ADORA2B: variants seen among roughly 807,000 people sequenced by gnomAD.
ADORA2B encodes the protein adenosine receptor A2b.
A neutral mutation model predicts 20.8 loss-of-function variants in ADORA2B; 18 were observed. That is an observed-to-expected ratio of 0.87 (90% CI 0.60 to 1.29). ADORA2B has a LOEUF of 1.29. Ranked by LOEUF, ADORA2B falls within the 50% of genes most tolerant of loss-of-function variation. ADORA2B has a pLI of 0.00. For synonymous variants in ADORA2B, 179 were observed against 178.3 expected (o/e 1.00, Z -0.03); for missense variants, 441 against 422.7 (o/e 1.04, Z -0.38).
chr17:15,883,537 G>A, the ADORA2B span, among the ~76,000 whole-genome samples: 1 of 152,186 alleles, frequency 6.6e-6, no homozygotes, highest in African/African-American at 2.4e-5. Context: ...TGGGGATTGG[G>A]GTATTCAGAG....
At chr17:15,880,620 GC>G in the ADORA2B span, among the ~76,000 whole-genome samples, 1 of 150,110 alleles carries the variant, frequency 6.7e-6, no homozygotes, top group Non-Finnish European at 1.5e-5. Context: ...TCGGACAGCA[GC>G]CTACAAGGGT....
rs371657178 is a variant in ADORA2B, at chr17:15,975,236, G to A, written c.893G>A (p.Arg298His). The change falls in exon 2 of 2, where the codon CGC becomes CAC. Residue 298 changes from arginine to histidine, a missense_variant. Coordinates refer to ENST00000304222, the MANE Select transcript of ADORA2B (RefSeq NM_000676.4). ...TATGCTTACCGGAACCGAGACTTCC[G>A]CTACACTTTTCACAAAATTATCTCC... ...IVYAYRNRDF[R>H]YTFHKIISRY... The A allele has an allele frequency of 4.4e-5, 71 of 1,613,778 alleles. 1 individual carries two copies. The highest frequency in any genetic ancestry group is 3.5e-4 in the African/African-American group (26 of 74,962).
chr17:15,933,793 G>A, the ADORA2B span, among the ~76,000 whole-genome samples: 1 of 151,998 alleles, frequency 6.6e-6, no homozygotes, highest in East Asian at 1.9e-4. Context: ...TATATATAGA[G>A]AGAGAGTTTT....
chr17:15,872,162 G>C, the ADORA2B span, among the ~76,000 whole-genome samples: 2 of 152,160 alleles, frequency 1.3e-5, no homozygotes, highest in Non-Finnish European at 2.9e-5. Flanking sequence ...AGTGGGTACA[G>C]TTTTCTATTG....
chr17:15,883,703 A>G, the ADORA2B span, among the ~76,000 whole-genome samples: 1 of 152,246 alleles, frequency 6.6e-6, no homozygotes, highest in African/African-American at 2.4e-5. Flanking sequence ...GCAGAGTCTA[A>G]GGTGGAAGAA....
the ADORA2B span, among the ~76,000 whole-genome samples, chr17:15,923,170 C>G: frequency 3.3e-5 from 5 of 149,670 alleles, no homozygotes; most frequent in African/African-American, 1.2e-4. Flanking sequence ...TTGCAGGCAC[C>G]TGCCACCACG....
chr17:15,917,814 C>T, the ADORA2B span, among the ~76,000 whole-genome samples: 39 of 152,366 alleles, frequency 2.6e-4, no homozygotes, highest in East Asian at 6.2e-3. Flanking sequence ...TCACCGCCTA[C>T]TCGGCTCCTT....
intron 1 of ADORA2B, among the ~76,000 whole-genome samples, chr17:15,973,593 T>G (rs1170638587): frequency 6.6e-6 from 1 of 152,212 alleles, no homozygotes; most frequent in Non-Finnish European, 1.5e-5. Context: ...CATTCGATTC[T>G]CATAGGAGCT....
In ADORA2B at chr17:15,957,640, A is replaced by G. The variant is rs1055959398; in HGVS notation, c.335+12057A>G. Among the ~76,000 whole-genome samples, 4 of 152,098 alleles carry G rather than the reference A, an allele frequency of 2.6e-5. No homozygotes were observed. In the East Asian group the frequency reaches 7.7e-4, roughly 29 times the overall value. On this transcript the variant is annotated intron_variant, in intron 1 of 1. Coordinates refer to ENST00000304222, the MANE Select transcript of ADORA2B (RefSeq NM_000676.4). ...AAGGTGCCTGCAGGTTGAGAGACGC[A>G]GTAGTGGTCGAGTCTTGGGGAGTCT...
the ADORA2B span, among the ~76,000 whole-genome samples, chr17:15,855,843 C>A: frequency 2.0e-5 from 3 of 151,994 alleles, no homozygotes; most frequent in Non-Finnish European, 4.4e-5. Flanking sequence ...CCTTTGCCCC[C>A]CTCCCCATTC....
chr17:15,917,564 C>A, the ADORA2B span, among the ~76,000 whole-genome samples: 3 of 152,230 alleles, frequency 2.0e-5, no homozygotes, highest in African/African-American at 7.2e-5. Context: ...CCTGCCCCCG[C>A]AGGCACTGGA....
chr17:15,948,223 G>C (rs1386696573), intron 1 of ADORA2B, among the ~76,000 whole-genome samples: 2 of 152,012 alleles, frequency 1.3e-5, no homozygotes, highest in African/African-American at 4.8e-5. Context: ...GCATTGCCAA[G>C]GTGTTTACTG....
At chr17:15,961,766 A>T (rs1970044965) in intron 1 of ADORA2B, among the ~76,000 whole-genome samples, 1 of 152,206 alleles carries the variant, frequency 6.6e-6, no homozygotes, top group South Asian at 2.1e-4. Context: ...GAGAGTGAGC[A>T]AGCAAGAGAG....
the ADORA2B span, among the ~76,000 whole-genome samples, chr17:15,856,997 G>C: frequency 2.0e-5 from 3 of 152,212 alleles, no homozygotes; most frequent in Admixed American, 1.3e-4. Context: ...GTGGCAGCCT[G>C]TCCCATCACA....
the ADORA2B span, among the ~76,000 whole-genome samples, chr17:15,938,304 T>A: frequency 0.2 from 30,845 of 152,128 alleles, 3,167 homozygotes; most frequent in African/African-American, 0.22. Flanking sequence ...TTTTTGTTTG[T>A]TTTTGTTTTT....
the ADORA2B span, among the ~76,000 whole-genome samples, chr17:15,923,354 CCTCT>C: frequency 2.8e-5 from 4 of 144,920 alleles, no homozygotes; most frequent in South Asian, 2.2e-4. Context: ...CCTGCCATTG[CCTCT>C]CTCTCTCTGT....
At chr17:15,969,129 C>G (rs921505826) in intron 1 of ADORA2B, among the ~76,000 whole-genome samples, 2 of 152,162 alleles carry the variant, frequency 1.3e-5, no homozygotes, top group African/African-American at 4.8e-5. Context: ...GCATCCTCCA[C>G]CTCCTCCCAT....
chr17:15,862,543 G>A, the ADORA2B span, among the ~76,000 whole-genome samples: 1 of 151,984 alleles, frequency 6.6e-6, no homozygotes, highest in Non-Finnish European at 1.5e-5. Flanking sequence ...GGTGTCTTAC[G>A]CTATTTCAGG....
At chr17:15,916,408 C>T in the ADORA2B span, among the ~76,000 whole-genome samples, 4 of 152,088 alleles carry the variant, frequency 2.6e-5, no homozygotes, top group African/African-American at 4.8e-5. Flanking sequence ...CCAGGAGCTT[C>T]GACAAGACTC....
Sources: gnomAD v4.1 joint callset for allele counts (sites outside exome capture counted in the v4.1 genomes callset) on GRCh38, gnomAD v4.1.1 for gene constraint, MANE v1.5 for transcripts, NCBI Gene and HGNC (gene_info 2026-07-23, HGNC 2026-07-21) for gene names.